MRTFB: variants seen among roughly 807,000 people sequenced by gnomAD.
MRTFB encodes the protein myocardin-related transcription factor B.
MRTFB carries 29 observed loss-of-function variants against 104.2 expected under a neutral mutation model. The observed-to-expected ratio is 0.28, with a 90% CI of 0.21 to 0.38. The LOEUF (loss-of-function observed/expected upper bound fraction) is 0.38, where lower values mean the gene tolerates loss of function less well. Among genes scored for constraint, MRTFB ranks in the 10% least tolerant of loss-of-function variants. MRTFB has a pLI of 1.00. For missense variants in MRTFB, 1,270 were observed against 1,341.6 expected (o/e 0.95, Z 0.83); for synonymous variants, 535 against 519.5 (o/e 1.03, Z -0.41).
At chr16:14,099,399 A>G (rs2035573485) in intron 2 of MRTFB, among the ~76,000 whole-genome samples, 1 of 144,222 alleles carries the variant, frequency 6.9e-6, no homozygotes, top group South Asian at 2.1e-4. Flanking sequence ...TTTTTTTTTA[A>G]GACAGAGGGT....
At chr16:13,998,743 AAGG>A in the MRTFB span, among the ~76,000 whole-genome samples, 56 of 151,624 alleles carry the variant, frequency 3.7e-4, no homozygotes, top group African/African-American at 1.3e-3. Flanking sequence ...GAGGAGGAAC[AAGG>A]AGAAGGAAGA....
intron 10 of MRTFB, among the ~76,000 whole-genome samples, chr16:14,244,665 C>T (rs74788104): frequency 0.049 from 7,514 of 152,196 alleles, 591 homozygotes; most frequent in African/African-American, 0.17. Flanking sequence ...GTTGAATCAT[C>T]TTTCACTTAT....
chr16:14,067,597 A>G (rs2033537397), upstream of MRTFB, among the ~76,000 whole-genome samples: 1 of 152,092 alleles, frequency 6.6e-6, no homozygotes, highest in Admixed American at 6.5e-5. Context: ...ATTTTTGCCT[A>G]TGAAGTGACT....
At chr16:14,219,717 A>T (rs941045327) in intron 8 of MRTFB, among the ~76,000 whole-genome samples, 12 of 152,274 alleles carry the variant, frequency 7.9e-5, no homozygotes, top group Admixed American at 7.2e-4. Context: ...ATTTGTTAGG[A>T]GCTATGTCTT....
chr16:14,205,755 A>T (rs1420946105), intron 3 of MRTFB, among the ~76,000 whole-genome samples: 1 of 152,220 alleles, frequency 6.6e-6, no homozygotes, highest in African/African-American at 2.4e-5. Flanking sequence ...TATAGTTTGT[A>T]CGTGTATCCT....
chr16:14,041,587 A>G, the MRTFB span, among the ~76,000 whole-genome samples: 1 of 152,116 alleles, frequency 6.6e-6, no homozygotes, highest in African/African-American at 2.4e-5. Context: ...GGTTGTTTCC[A>G]TCTCTTGGCT....
At chr16:14,030,959 G>A in the MRTFB span, among the ~76,000 whole-genome samples, 1 of 152,212 alleles carries the variant, frequency 6.6e-6, no homozygotes, top group Admixed American at 6.5e-5. Context: ...TGGGGGCGTA[G>A]GTTGTCATGA....
chr16:14,218,719 G>C (rs2041544241), intron 7 of MRTFB, 101 bp from the exon 8 acceptor site: 1 of 1,224,360 alleles, frequency 8.2e-7, no homozygotes, highest in Admixed American at 2.7e-5. Context: ...TTTTTAAGCA[G>C]CTTCATAAAT....
In MRTFB at chr16:14,177,275, T is replaced by G. The variant is rs191378297; in HGVS notation, c.155-32968T>G. 3.9e-5 allele frequency among the ~76,000 whole-genome samples: 6 copies of G among 152,276 alleles called. No individual in the cohort carries two copies. The highest frequency in any genetic ancestry group is 1.4e-4 in the African/African-American group (6 of 41,554). Reference sequence around the variant, plus strand: ...AAGAGGTTTGGTCAGTTGAGTGGCATTTGTTTATTCATAGAGGCAGCATTA... The same window carrying G: ...AAGAGGTTTGGTCAGTTGAGTGGCAGTTGTTTATTCATAGAGGCAGCATTA... On this transcript the variant is annotated intron_variant, in intron 3 of 16. Coordinates refer to ENST00000571589, the MANE Select transcript of MRTFB (RefSeq NM_001308142.2). The surrounding 1 kb of genome is among the most constrained non-coding windows in gnomAD (Gnocchi z 4.7).
In MRTFB at chr16:14,143,739, A is replaced by T. The variant is rs957542361; in HGVS notation, c.154+2979A>T. 1.1e-4 allele frequency: 17 copies of T among 151,994 alleles called. No homozygotes were observed. The East Asian group carries it at 3.3e-3, about 29-fold the overall frequency. 9.4% of individuals were successfully genotyped at this position (151,994 alleles called of 1,614,324 possible). A position where few individuals can be genotyped will look rare whatever the true frequency, so the allele number is the denominator to read the frequency against. On this transcript the variant is annotated intron_variant, in intron 3 of 16. Transcript: ENST00000571589. ...TTTTTTTAAATTGTCTTAGTTGTAT[A>T]CTCATAATCTCTATAACATAATACT...
At chr16:14,230,423 A>G (rs1032772452) in intron 8 of MRTFB, among the ~76,000 whole-genome samples, 1 of 152,232 alleles carries the variant, frequency 6.6e-6, no homozygotes. Context: ...AATGAACTCA[A>G]ACAAATTTAC....
intron 10 of MRTFB, among the ~76,000 whole-genome samples, chr16:14,244,686 T>C (rs1363096903): frequency 1.3e-5 from 2 of 152,228 alleles, no homozygotes; most frequent in Admixed American, 6.5e-5. Flanking sequence ...TTATTGACCA[T>C]TGGGATATAC....
chr16:14,116,764 T>A (rs915931742), intron 2 of MRTFB, among the ~76,000 whole-genome samples: 1 of 152,112 alleles, frequency 6.6e-6, no homozygotes, highest in South Asian at 2.1e-4. Context: ...CTCCTTCCCA[T>A]TGTGACAACC....
At chr16:14,058,317 T>A in the MRTFB span, among the ~76,000 whole-genome samples, 6 of 152,102 alleles carry the variant, frequency 3.9e-5, no homozygotes, top group Non-Finnish European at 5.9e-5. Flanking sequence ...TGGTGAGTAA[T>A]CATAAGAATA....
intron 6 of MRTFB, among the ~76,000 whole-genome samples, chr16:14,216,556 T>C (rs1470855102): frequency 2.0e-5 from 3 of 152,176 alleles, no homozygotes; most frequent in African/African-American, 7.2e-5. Flanking sequence ...TATATTATAG[T>C]TGAATGTTCC....
intron 12 of MRTFB, chr16:14,248,235 G>C (rs2043107270): frequency 6.6e-6 from 1 of 152,332 alleles, no homozygotes; most frequent in Non-Finnish European, 1.5e-5. Context: ...TGGAGCACGA[G>C]TGAACAAGAA....
intron 9 of MRTFB, among the ~76,000 whole-genome samples, chr16:14,237,964 T>C (rs913226973): frequency 1.3e-5 from 2 of 152,144 alleles, no homozygotes; most frequent in African/African-American, 4.8e-5. Context: ...AAGTTGGTGG[T>C]CACAAGTTTA....
intron 9 of MRTFB, among the ~76,000 whole-genome samples, chr16:14,234,572 C>T (rs1036823933): frequency 5.3e-5 from 8 of 151,988 alleles, no homozygotes; most frequent in Admixed American, 6.6e-5. Flanking sequence ...GGCAGGAGGA[C>T]GACTTGAGGC....
At chr16:14,184,802 C>G (rs1057147958) in intron 3 of MRTFB, among the ~76,000 whole-genome samples, 6 of 152,148 alleles carry the variant, frequency 3.9e-5, no homozygotes, top group Non-Finnish European at 7.4e-5. Context: ...TTCTAGAAGA[C>G]AGAAGGCAGG....
Sources: allele counts gnomAD v4.1 joint callset (sites outside exome capture counted in the v4.1 genomes callset), GRCh38; gene constraint gnomAD v4.1.1; non-coding constraint Gnocchi (gnomAD v3.1); transcripts MANE v1.5; gene names NCBI Gene and HGNC (gene_info 2026-07-23, HGNC 2026-07-21).